CLMN: variants seen among roughly 807,000 people sequenced by gnomAD.
CLMN encodes the protein calmin, also known as calmin (calponin-like, transmembrane).
Under a neutral mutation model 92.7 loss-of-function variants are expected in CLMN, and 57 were observed. The observed-to-expected ratio is 0.61, with a 90% CI of 0.50 to 0.77. CLMN has a LOEUF of 0.77. CLMN is among the 30% of genes least tolerant of loss of function. The pLI is 0.00. For synonymous variants in CLMN, 466 were observed against 470.6 expected (o/e 0.99, Z 0.13); for missense variants, 1,158 against 1,237.5 (o/e 0.94, Z 0.96).
At chr14:95,219,287 T>C (rs1897451376) in intron 4 of CLMN, among the ~76,000 whole-genome samples, 2 of 151,552 alleles carry the variant, frequency 1.3e-5, no homozygotes, top group Non-Finnish European at 2.9e-5. Flanking sequence ...AGCAGGAGAG[T>C]ATTTAGAGGT....
At chr14:95,237,701 C>T (rs139480234) in intron 1 of CLMN, among the ~76,000 whole-genome samples, 138 of 152,328 alleles carry the variant, frequency 9.1e-4, no homozygotes, top group Middle Eastern at 3.4e-3. Flanking sequence ...AGAGGACAGC[C>T]GCAGCCCCAT....
chr14:95,224,579 G>A (rs74517002), intron 2 of CLMN, among the ~76,000 whole-genome samples: 8,988 of 152,166 alleles, frequency 0.059, 317 homozygotes, highest in African/African-American at 0.063. Context: ...CACTGCGCCC[G>A]GCCACCCTTC....
rs989928779 is a variant in CLMN at position 95,271,490 on chromosome 14, G to C, written c.83-41357C>G. On this transcript the variant is annotated intron_variant, in intron 1 of 12. Transcript: ENST00000298912. The stretch of plus-strand genomic sequence containing the variant: ...TCATTTCAGAAGGGTTTTCTACCAG[G>C]GAACAAAGTTGGTCTGAAGATACAA... Among the ~76,000 whole-genome samples, 6 of 152,258 alleles carry C rather than the reference G, an allele frequency of 3.9e-5. 1 individual carries two copies. Among genetic ancestry groups the C allele is most frequent in the Admixed American group, 3.9e-4 (6 of 15,298 alleles).
chr14:95,202,417 G>A (rs1896909948), intron 9 of CLMN, among the ~76,000 whole-genome samples: 1 of 152,194 alleles, frequency 6.6e-6, no homozygotes. Flanking sequence ...TGTGTAACAG[G>A]ATAAGGGAGA....
At position 95,190,856 on chromosome 14, in the gene CLMN, T is replaced by A. The variant is rs1269077071; in HGVS notation, c.*708A>T. 1 of 151,968 alleles carries A rather than the reference T, an allele frequency of 6.6e-6. No homozygotes were observed. Among genetic ancestry groups the A allele is most frequent in the East Asian group, 1.9e-4 (1 of 5,156 alleles). The allele number at this position is 151,968 out of a possible 1,614,324, so 9.4% of individuals were successfully genotyped here. A position where few individuals can be genotyped will look rare whatever the true frequency, so the allele number is the denominator to read the frequency against. On this transcript the variant is annotated 3_prime_UTR_variant, in exon 13 of 13. Transcript: ENST00000298912. ...CATGGTTCTATCTCAATCCAATCAA[T>A]GGAAAACTGAATTTCAAGTGTTATC...
intron 1 of CLMN, among the ~76,000 whole-genome samples, chr14:95,233,358 T>TC (rs1375994211): frequency 6.6e-6 from 1 of 151,962 alleles, no homozygotes; most frequent in Non-Finnish European, 1.5e-5. Flanking sequence ...CACCTACCCA[T>TC]CCATCCATCC....
intron 1 of CLMN, among the ~76,000 whole-genome samples, chr14:95,298,201 CTCCCT>C (rs1232272149): frequency 6.6e-6 from 1 of 152,232 alleles, no homozygotes; most frequent in East Asian, 1.9e-4. Flanking sequence ...CTGCAGTCCT[CTCCCT>C]TCCCTTCCCC....
At chr14:95,226,105 T>C (rs1029159024) in intron 2 of CLMN, among the ~76,000 whole-genome samples, 31 of 152,210 alleles carry the variant, frequency 2.0e-4, no homozygotes, top group Admixed American at 2.0e-3. Flanking sequence ...CAGCTCTTAC[T>C]GGCCTGTACA....
At chr14:95,231,427 T>C (rs1709170008) in intron 1 of CLMN, among the ~76,000 whole-genome samples, 2 of 152,122 alleles carry the variant, frequency 1.3e-5, no homozygotes, top group South Asian at 2.1e-4. Context: ...CTCGATCTCC[T>C]GACCTCGGGA....
At chr14:95,242,012 T>A (rs937412345) in intron 1 of CLMN, among the ~76,000 whole-genome samples, 4 of 152,220 alleles carry the variant, frequency 2.6e-5, no homozygotes, top group African/African-American at 7.2e-5. Flanking sequence ...GACTGTGACA[T>A]TGAGGTCGAA....
intron 1 of CLMN, among the ~76,000 whole-genome samples, chr14:95,281,605 C>A (rs1160014099): frequency 6.6e-6 from 1 of 152,160 alleles, no homozygotes; most frequent in Non-Finnish European, 1.5e-5. Flanking sequence ...TGTAAAAAAT[C>A]TAGATTGATT....
chr14:95,203,999 T>C lies in CLMN; in HGVS notation c.1350A>G (p.Pro450=), dbSNP rs148780977. ...KNLSLCFEGS[P]RVAKESLRQD... is the part of the protein sequence containing the mutation. ...GCCTCAATGATTCCTTTGCCACTCT[T>C]GGGCTCCCTTCAAAGCAAAGGGACA... The change falls in exon 9 of 13, where the codon CCA becomes CCG. Residue 450 remains proline, a synonymous_variant. Transcript: ENST00000298912. 2.1e-4 allele frequency: 345 copies of C among 1,614,076 alleles called. 1 individual carries two copies. The highest frequency in any genetic ancestry group is 3.3e-4 in the Middle Eastern group (2 of 6,084).
rs374227260 is a variant in CLMN at position 95,287,317 on chromosome 14, C to T, written c.82+32394G>A. Among the ~76,000 whole-genome samples the T allele has an allele frequency of 1.1e-4, 16 of 152,350 alleles. No individual in the cohort carries two copies. The East Asian group carries it at 2.5e-3, about 24-fold the overall frequency. On this transcript the variant is annotated intron_variant, in intron 1 of 12. Transcript: ENST00000298912. ...TTTCTAGCCCAGCTCCGTGGCCAGG[C>T]TCCATGGAGGCCACATGCAACATGC...
At chr14:95,266,393 T>C (rs1160395286) in intron 1 of CLMN, among the ~76,000 whole-genome samples, 1 of 152,192 alleles carries the variant, frequency 6.6e-6, no homozygotes, top group Admixed American at 6.5e-5. Context: ...ATCAGTAGCA[T>C]TTATATGACG....
chr14:95,247,755 G>A (rs1199169903), intron 1 of CLMN, among the ~76,000 whole-genome samples: 1 of 152,164 alleles, frequency 6.6e-6, no homozygotes, highest in African/African-American at 2.4e-5. Context: ...TTCAGAATGG[G>A]ACTATGATTC....
At chr14:95,279,078 G>A (rs1413085308) in intron 1 of CLMN, among the ~76,000 whole-genome samples, 1 of 152,186 alleles carries the variant, frequency 6.6e-6, no homozygotes, top group Non-Finnish European at 1.5e-5. Flanking sequence ...TGTGTTCTGT[G>A]TGTGATGTTT....
At position 95,256,538 on chromosome 14, in the gene CLMN, C is replaced by T. The variant is rs1047810095; in HGVS notation, c.83-26405G>A. Reference sequence around the variant, plus strand: ...TACCTCCCACCTGCTGCTGGGCCCACGGCAGGGTAACTGCCACCAGCTTGC... The same window carrying T: ...TACCTCCCACCTGCTGCTGGGCCCATGGCAGGGTAACTGCCACCAGCTTGC... On this transcript the variant is annotated intron_variant, in intron 1 of 12. Coordinates refer to ENST00000298912, the MANE Select transcript of CLMN (RefSeq NM_024734.4). This position sits in a 1 kb window ranked among gnomAD's most constrained non-coding sequence, Gnocchi z 4.9. Among the ~76,000 whole-genome samples, 1 of 152,178 alleles carries T rather than the reference C, an allele frequency of 6.6e-6. No homozygotes were observed. Among genetic ancestry groups the T allele is most frequent in the African/African-American group, 2.4e-5 (1 of 41,446 alleles).
intron 1 of CLMN, among the ~76,000 whole-genome samples, chr14:95,269,374 T>C (rs1481826944): frequency 6.6e-6 from 1 of 152,246 alleles, no homozygotes; most frequent in African/African-American, 2.4e-5. Context: ...CTTTACCTCA[T>C]TTATTTTTAT....
intron 1 of CLMN, among the ~76,000 whole-genome samples, chr14:95,303,660 A>G (rs934285286): frequency 6.6e-6 from 1 of 152,230 alleles, no homozygotes; most frequent in African/African-American, 2.4e-5. Context: ...ATTCAGCAGC[A>G]GCCTGGGAAA....
Sources: allele counts gnomAD v4.1 joint callset (sites outside exome capture counted in the v4.1 genomes callset), GRCh38; gene constraint gnomAD v4.1.1; non-coding constraint Gnocchi (gnomAD v3.1); transcripts MANE v1.5; gene names NCBI Gene and HGNC (gene_info 2026-07-23, HGNC 2026-07-21).